TTC28: variants seen among roughly 807,000 people sequenced by gnomAD.
TTC28 encodes the protein tetratricopeptide repeat domain 28, also known as tetratricopeptide repeat protein 28.
A neutral mutation model predicts 198.0 loss-of-function variants in TTC28; 61 were observed. The observed-to-expected ratio is 0.31, with a 90% CI of 0.25 to 0.38. TTC28 has a LOEUF of 0.38. TTC28 is among the 10% of genes least tolerant of loss of function. TTC28 has a pLI of 1.00. For synonymous variants in TTC28, 1,171 were observed against 1,297.8 expected (o/e 0.90, Z 2.10); for missense variants, 2,678 against 3,164.0 (o/e 0.85, Z 3.69).
chr22:28,186,960 C>T (rs1018520619), intron 5 of TTC28, among the ~76,000 whole-genome samples: 7 of 152,020 alleles, frequency 4.6e-5, no homozygotes, highest in Admixed American at 2.6e-4. Flanking sequence ...TTTCTAATTA[C>T]ACCTAATCAG....
intron 2 of TTC28, among the ~76,000 whole-genome samples, chr22:28,596,427 T>A (rs547742646): frequency 6.6e-6 from 1 of 152,330 alleles, no homozygotes; most frequent in African/African-American, 2.4e-5. Context: ...GATGGGAAGT[T>A]ATTTAAGGCT....
At chr22:28,583,309 G>T (rs1032664851) in intron 2 of TTC28, among the ~76,000 whole-genome samples, 2 of 151,962 alleles carry the variant, frequency 1.3e-5, no homozygotes, top group Non-Finnish European at 2.9e-5. Context: ...TTTTCTTCAA[G>T]AATTAAGTAA....
chr22:28,524,368 G>C (rs1426630912), intron 2 of TTC28, among the ~76,000 whole-genome samples: 3 of 151,472 alleles, frequency 2.0e-5, no homozygotes, highest in African/African-American at 7.3e-5. Flanking sequence ...GCTGAGACAG[G>C]AGAATGGCGT....
rs151301038 is a variant in TTC28, at chr22:28,244,343, G to C, written c.933+51855C>G. On this transcript the variant is annotated intron_variant, in intron 5 of 22. Transcript: ENST00000397906. The stretch of plus-strand genomic sequence containing the variant: ...AAAGACAACATGGATTCCACTCAGA[G>C]AAACCTCCTTCAACCACTACATTTA... 6.5e-3 allele frequency among the ~76,000 whole-genome samples: 983 copies of C among 152,284 alleles called. 6 individuals carry two copies. Among genetic ancestry groups the C allele is most frequent in the Middle Eastern group, 0.014 (4 of 294 alleles).
rs1253061094 is a variant in TTC28, at chr22:27,982,807, T to G, written c.6860A>C (p.Lys2287Thr). ...QTSQLDQPLF[K>T]LKYPSSPYSA... ...GTAAGGAGAGCTGGGGTACTTCAGTTTAAAGAGAGGCTGGTCCAGCTGGGA... is the reference window on the plus strand; with the variant it reads ...GTAAGGAGAGCTGGGGTACTTCAGTGTAAAGAGAGGCTGGTCCAGCTGGGA... Residue 2287 changes from lysine (K) to threonine (T), a missense_variant, in exon 23 of 23, where the codon AAA becomes ACA. Physicochemically the swap from Lys to Thr is moderately conservative, Grantham distance 78. Around this residue, in one of 8 missense-constraint regions of TTC28, gnomAD observed 622 missense variants for 656.0 expected, o/e 0.95. Coordinates refer to ENST00000397906, the MANE Select transcript of TTC28 (RefSeq NM_001145418.2). The surrounding 1 kb of genome is among the most constrained non-coding windows in gnomAD (Gnocchi z 5.2). 2 of 1,543,300 alleles carry G rather than the reference T, an allele frequency of 1.3e-6. No individual in the cohort carries two copies.
chr22:28,145,973 G>T (rs941891611), intron 6 of TTC28, among the ~76,000 whole-genome samples: 1 of 152,156 alleles, frequency 6.6e-6, no homozygotes, highest in African/African-American at 2.4e-5. Context: ...ATCTTGTCCA[G>T]GCTCAGGAAG....
intron 5 of TTC28, among the ~76,000 whole-genome samples, chr22:28,253,541 C>T (rs1930674596): frequency 6.6e-6 from 1 of 152,156 alleles, no homozygotes; most frequent in African/African-American, 2.4e-5. Flanking sequence ...ACAACTGTAA[C>T]CTCAGCACCA....
chr22:28,342,416 AAC>A (rs1364751021), intron 2 of TTC28, among the ~76,000 whole-genome samples: 1 of 152,234 alleles, frequency 6.6e-6, no homozygotes, highest in African/African-American at 2.4e-5. Flanking sequence ...AAAATATAAA[AAC>A]ACAACCATTG....
chr22:28,054,562 T>G (rs1273576920), intron 12 of TTC28, among the ~76,000 whole-genome samples: 1 of 152,066 alleles, frequency 6.6e-6, no homozygotes, highest in East Asian at 1.9e-4. Flanking sequence ...GAGGGAGTGG[T>G]GATGGCTTCC....
At chr22:28,135,461 G>A (rs1034976198) in intron 6 of TTC28, among the ~76,000 whole-genome samples, 1 of 152,184 alleles carries the variant, frequency 6.6e-6, no homozygotes, top group African/African-American at 2.4e-5. Flanking sequence ...AAACGCCAGA[G>A]CTAGGAGGAG....
chr22:28,012,479 A>G (rs545293446), intron 14 of TTC28, among the ~76,000 whole-genome samples: 190 of 152,258 alleles, frequency 1.2e-3, no homozygotes, highest in South Asian at 5.8e-3. Flanking sequence ...CCAGGCACAC[A>G]TTCACTGCTG....
rs556819227 is a variant in TTC28 at position 28,663,340 on chromosome 22, G to A, written c.102+16282C>T. Among the ~76,000 whole-genome samples, 434 of 146,756 alleles carry A rather than the reference G, an allele frequency of 3.0e-3. 2 individuals carry two copies. Among genetic ancestry groups the A allele is most frequent in the African/African-American group, 0.01 (402 of 38,978 alleles). On this transcript the variant is annotated intron_variant, in intron 1 of 22. Coordinates refer to ENST00000397906, the MANE Select transcript of TTC28 (RefSeq NM_001145418.2). ...AGCTCCGGTCTACAGCTCCCAGCGT[G>A]AGCGACACAGAAGACGGGTGATTTC...
At chr22:28,149,665 G>T (rs1485213169) in intron 6 of TTC28, among the ~76,000 whole-genome samples, 1 of 152,096 alleles carries the variant, frequency 6.6e-6, no homozygotes, top group African/African-American at 2.4e-5. Flanking sequence ...GGTCTTCAGG[G>T]GCTATAACAC....
intron 2 of TTC28, among the ~76,000 whole-genome samples, chr22:28,406,132 A>C (rs902274753): frequency 6.6e-6 from 1 of 152,226 alleles, no homozygotes; most frequent in Non-Finnish European, 1.5e-5. Flanking sequence ...TGTCTATTAC[A>C]TCTCTCCAGT....
At chr22:28,592,782 C>T (rs1448330485) in intron 2 of TTC28, among the ~76,000 whole-genome samples, 4 of 151,932 alleles carry the variant, frequency 2.6e-5, no homozygotes, top group South Asian at 4.1e-4. Flanking sequence ...TTTTTGTTTT[C>T]TATTACCAAT....
intron 5 of TTC28, among the ~76,000 whole-genome samples, chr22:28,259,277 T>C (rs1931161481): frequency 1.3e-5 from 2 of 152,134 alleles, no homozygotes; most frequent in African/African-American, 2.4e-5. Flanking sequence ...TTCCTAGCCA[T>C]AGTAGGTATT....
intron 5 of TTC28, among the ~76,000 whole-genome samples, chr22:28,276,347 G>A (rs1342119494): frequency 6.6e-6 from 1 of 152,110 alleles, no homozygotes; most frequent in African/African-American, 2.4e-5. Context: ...TTCTTGGTTA[G>A]CATAAACCAT....
At chr22:28,492,827 C>T (rs2048397474) in intron 2 of TTC28, among the ~76,000 whole-genome samples, 1 of 152,132 alleles carries the variant, frequency 6.6e-6, no homozygotes, top group Non-Finnish European at 1.5e-5. Flanking sequence ...CAAAATTCCT[C>T]TAATGAATAG....
intron 2 of TTC28, among the ~76,000 whole-genome samples, chr22:28,372,765 G>C (rs1356793580): frequency 2.6e-5 from 4 of 152,122 alleles, no homozygotes; most frequent in Non-Finnish European, 5.9e-5. Context: ...TCTAATGTGG[G>C]GGAAAGCAGC....
Sources: allele counts gnomAD v4.1 joint callset (sites outside exome capture counted in the v4.1 genomes callset), GRCh38; gene constraint gnomAD v4.1.1; regional missense constraint gnomAD v4.1.1; non-coding constraint Gnocchi (gnomAD v3.1); transcripts MANE v1.5; gene names NCBI Gene and HGNC (gene_info 2026-07-23, HGNC 2026-07-21).